The following BPIFB2 variants were observed in gnomAD, a reference collection of about 807,000 sequenced individuals.
BPIFB2 encodes BPI fold-containing family B member 2.
In BPIFB2, 39 loss-of-function variants were observed where a neutral mutation model predicts 50.1. That is an observed-to-expected ratio of 0.78 (90% confidence interval 0.60 to 1.02). BPIFB2 has a LOEUF of 1.02. Among genes scored for constraint, BPIFB2 ranks in the 50% least tolerant of loss-of-function variants. The pLI is 0.00. For synonymous variants in BPIFB2, 280 were observed against 256.3 expected (o/e 1.09, Z -0.88); for missense variants, 574 against 585.8 (o/e 0.98, Z 0.21).
Position 33,013,798 on chromosome 20 carries a change from G to A in BPIFB2, c.309-12G>A. ...GCGGTGCTGCTCGGGCTCAGGACTG[G>A]CATCCCTACAGCGCCCCAGAGCCCC... is the stretch of plus-strand genomic sequence containing the variant. On this transcript the variant is annotated splice_polypyrimidine_tract_variant and intron_variant, in intron 4 of 15. Transcript: ENST00000170150. The A allele has an allele frequency of 2.5e-6, 4 of 1,610,874 alleles. No individual in the cohort carries two copies. In the South Asian group the frequency reaches 4.4e-5, roughly 18 times the overall value.
intron 15 of BPIFB2, among the ~76,000 whole-genome samples, chr20:33,022,656 A>G (rs896781045): frequency 6.6e-6 from 1 of 152,232 alleles, no homozygotes. Context: ...AGCAGCCATG[A>G]TAAGCCACAG....
At chr20:33,016,368 C>T (rs1465808092) in intron 6 of BPIFB2, among the ~76,000 whole-genome samples, 2 of 152,156 alleles carry the variant, frequency 1.3e-5, no homozygotes, top group African/African-American at 4.8e-5. Context: ...TGTAGTCCCC[C>T]TGCTGCCCTC....
rs1050050092 is a variant in BPIFB2, at chr20:33,013,880, A to C, written c.379A>C (p.Ile127Leu). 6.2e-7 allele frequency: 1 copy of C among 1,614,058 alleles called. No homozygotes were observed. Among genetic ancestry groups the C allele is most frequent in the Non-Finnish European group, 8.5e-7 (1 of 1,179,960 alleles). ...TGACACCCGCGTGACCCAGAGCTCC[A>C]TCAGGACCCCTGTGGTCAGCATCTC... is the stretch of plus-strand genomic sequence containing the variant. ...LADTRVTQSS[I>L]RTPVVSISAC... The change falls in exon 5 of 16, where the codon ATC becomes CTC. Residue 127 changes from isoleucine to leucine, a missense_variant. By Grantham distance (5) the Ile-to-Leu change is conservative. Coordinates refer to ENST00000170150, the MANE Select transcript of BPIFB2 (RefSeq NM_025227.3).
chr20:33,020,603 G>A lies in BPIFB2; in HGVS notation c.1194+16G>A. The A allele has an allele frequency of 6.3e-7, 1 of 1,596,232 alleles. No homozygotes were observed. The highest frequency in any genetic ancestry group is 8.5e-7 in the Non-Finnish European group (1 of 1,169,640). On this transcript the variant is annotated intron_variant, in intron 13 of 15. Coordinates refer to ENST00000170150, the MANE Select transcript of BPIFB2 (RefSeq NM_025227.3). ...CTTCATTGATGTGAGTGTGGGGCTGGGGCCTCTAGAAACCCCCGTCCTGGG... is the reference window on the plus strand; with the variant it reads ...CTTCATTGATGTGAGTGTGGGGCTGAGGCCTCTAGAAACCCCCGTCCTGGG...
At position 33,008,657 on chromosome 20, in the gene BPIFB2, G is replaced by A. The variant is rs181110734; in HGVS notation, c.83G>A (p.Arg28Gln). The change falls in exon 2 of 16, where the codon CGA (arginine) becomes CAA (glutamine). Residue 28 changes from arginine (R) to glutamine (Q), a missense_variant. Arg to Gln is a conservative substitution (Grantham distance 43, BLOSUM62 1). Coordinates refer to ENST00000170150, the MANE Select transcript of BPIFB2 (RefSeq NM_025227.3). ...GCCTCCACGCCAGGCACCGTGGTCC[G>A]ACTCAACAAGGCAGCATTGAGCTAC... is the stretch of plus-strand genomic sequence containing the variant. The part of the protein sequence containing the change: ...VGASTPGTVV[R>Q]LNKAALSYVS... 3.9e-5 allele frequency: 62 copies of A among 1,606,736 alleles called. No homozygotes were observed. The highest frequency in any genetic ancestry group is 1.7e-4 in the Middle Eastern group (1 of 6,054).
intron 5 of BPIFB2, among the ~76,000 whole-genome samples, chr20:33,014,646 A>G (rs549593696): frequency 2.6e-5 from 4 of 152,306 alleles, no homozygotes; most frequent in East Asian, 1.9e-4. Flanking sequence ...CACCTTCCCA[A>G]TGTGAGCGGG....
rs1990258903 is a variant in BPIFB2 at position 33,009,552 on chromosome 20, G to A, written c.109+869G>A. ...CCCAGGACATGAAGCAGTGGCTCAG[G>A]GAAGTAGCAGGTTTCCCCCACCCCT... On this transcript the variant is annotated intron_variant, in intron 2 of 15. Coordinates refer to ENST00000170150, the MANE Select transcript of BPIFB2 (RefSeq NM_025227.3). This position sits in a 1 kb window ranked among gnomAD's most constrained non-coding sequence, Gnocchi z 4.2. Among the ~76,000 whole-genome samples the A allele has an allele frequency of 6.6e-6, 1 of 152,192 alleles. No homozygotes were observed. Among genetic ancestry groups the A allele is most frequent in the South Asian group, 2.1e-4 (1 of 4,826 alleles).
chr20:33,019,594 T>C lies in BPIFB2; in HGVS notation c.924T>C (p.Phe308=). ...TGCCTCCCCAGGTGGCCCGCCAGTT[T>C]CCCGAGCCCATGCCTGTGGTGCTCA... ...GRLIPEVARQ[F]PEPMPVVLKV... is the part of the protein sequence containing the mutation. Residue 308 remains phenylalanine, a synonymous_variant, in exon 11 of 16, where the codon TTT becomes TTC. Coordinates refer to ENST00000170150, the MANE Select transcript of BPIFB2 (RefSeq NM_025227.3). The C allele has an allele frequency of 6.3e-7, 1 of 1,586,696 alleles. No individual in the cohort carries two copies. The highest frequency in any genetic ancestry group is 8.6e-7 in the Non-Finnish European group (1 of 1,163,498).
rs1990304430 is a variant in BPIFB2 at position 33,012,724 on chromosome 20, A to G, written c.204-79A>G. ...CCCTTCTTTATAACATCGTGTGGGT[A>G]TGGCTCAGAGCACCCACCCCAGAGT... is the stretch of plus-strand genomic sequence containing the variant. On this transcript the variant is annotated intron_variant, in intron 3 of 15. Transcript: ENST00000170150. The G allele has an allele frequency of 1.5e-5, 16 of 1,100,666 alleles. 2 individuals are homozygous for G. The South Asian group carries it at 2.1e-4, about 14-fold the overall frequency. The allele number at this position is 1,100,666 out of a possible 1,614,324, so 68.2% of individuals were successfully genotyped here. A position where few individuals can be genotyped will look rare whatever the true frequency, so the allele number is the denominator to read the frequency against.
intron 10 of BPIFB2, 52 bp from the exon 11 acceptor site, chr20:33,019,528 G>A: frequency 1.3e-6 from 2 of 1,516,922 alleles, no homozygotes; most frequent in Non-Finnish European, 1.8e-6. Flanking sequence ...ACTGACCAGA[G>A]AGCCCGCCAG....
rs150905813 is a variant in BPIFB2 at position 33,011,059 on chromosome 20, C to G, written c.145C>G (p.Leu49Val). The part of the protein sequence containing the change: ...EIGKAPLQRA[L>V]QVTVPHFLDW... ...TGGGAAAGCCCCTCTCCAGCGGGCC[C>G]TGCAGGTCACTGTCCCTCATTTCCT... The change falls in exon 3 of 16, where the codon CTG (leucine) becomes GTG (valine). Residue 49 changes from leucine (L) to valine (V), a missense_variant. Leu to Val is a conservative substitution (Grantham distance 32). Transcript: ENST00000170150. 9 of 1,614,002 alleles carry G rather than the reference C, an allele frequency of 5.6e-6. No homozygotes were observed. The highest frequency in any genetic ancestry group is 7.6e-6 in the Non-Finnish European group (9 of 1,180,010).
chr20:33,021,095 T>TG (rs1369527447), intron 13 of BPIFB2, among the ~76,000 whole-genome samples, 186 bp from the exon 14 acceptor site: 2 of 152,176 alleles, frequency 1.3e-5, no homozygotes, highest in East Asian at 3.9e-4. Flanking sequence ...GAGCCAACCA[T>TG]GGGGGTATTT....
In BPIFB2 at chr20:33,019,629, TG is replaced by T. The variant is rs1297166889; in HGVS notation, c.962del (p.Gly321ValfsTer41). On this transcript the variant is annotated frameshift_variant, in exon 11 of 16. Transcript: ENST00000170150. LOFTEE classifies it high-confidence loss of function. Reference sequence around the variant, plus strand: ...ATGCCTGTGGTGCTCAAGGTGCGGCTGGGTGCCACACCTGTGGCCATGCTCC... The same window carrying T: ...ATGCCTGTGGTGCTCAAGGTGCGGCTGGTGCCACACCTGTGGCCATGCTCC... ...EPMPVVLKVR[L>X]GATPVAMLHT... 6.2e-6 allele frequency: 10 copies of T among 1,610,692 alleles called. No individual in the cohort carries two copies. Among genetic ancestry groups the T allele is most frequent in the Non-Finnish European group, 8.5e-6 (10 of 1,178,060 alleles).
intron 2 of BPIFB2, among the ~76,000 whole-genome samples, chr20:33,010,442 C>A (rs542106037): frequency 6.6e-6 from 1 of 152,224 alleles, no homozygotes; most frequent in Non-Finnish European, 1.5e-5. Context: ...TTACAATGAT[C>A]CTATGTGACA....
Position 33,021,210 on chromosome 20 carries a change from T to C in BPIFB2, c.1195-71T>C, listed in dbSNP as rs995104238. 6.0e-6 allele frequency: 9 copies of C among 1,498,006 alleles called. No individual in the cohort carries two copies. The African/African-American group carries it at 6.9e-5, about 12-fold the overall frequency. The allele number at this position is 1,498,006 out of a possible 1,614,324, so 92.8% of individuals were successfully genotyped here. A position where few individuals can be genotyped will look rare whatever the true frequency, so the allele number is the denominator to read the frequency against. ...GTCTGTCTCTGTGTATATTTATGTA[T>C]GTGCCTGACTGTCCATCTCTCCTGG... On this transcript the variant is annotated intron_variant, in intron 13 of 15. Coordinates refer to ENST00000170150, the MANE Select transcript of BPIFB2 (RefSeq NM_025227.3).
At chr20:33,015,361 G>T (rs1037926609) in intron 5 of BPIFB2, 75 bp from the exon 6 acceptor site, 15 of 1,374,406 alleles carry the variant, frequency 1.1e-5, no homozygotes, top group East Asian at 7.0e-5. Flanking sequence ...TCTCTTCCCA[G>T]ACGTGCGACT....
intron 8 of BPIFB2, 135 bp from the exon 9 acceptor site, chr20:33,018,502 G>A: frequency 7.6e-7 from 1 of 1,311,068 alleles, no homozygotes; most frequent in Non-Finnish European, 1.1e-6. Flanking sequence ...AGGCGAAAGT[G>A]TGAACTACAC....
chr20:33,018,688 C>A lies in BPIFB2; in HGVS notation c.721C>A (p.Pro241Thr). 1 of 1,614,174 alleles carries A rather than the reference C, an allele frequency of 6.2e-7. No homozygotes were observed. Among genetic ancestry groups the A allele is most frequent in the South Asian group, 1.1e-5 (1 of 91,072 alleles). Residue 241 changes from proline (P) to threonine (T), a missense_variant, in exon 9 of 16, where the codon CCT becomes ACT. Coordinates refer to ENST00000170150, the MANE Select transcript of BPIFB2 (RefSeq NM_025227.3). ...KPIILPTDAT[P>T]FVLPRHVGTE... ...CATCATCCTGCCCACGGATGCCACCCCTTTTGTGTTGCCAAGGCATGTGGG... is the reference window on the plus strand; with the variant it reads ...CATCATCCTGCCCACGGATGCCACCACTTTTGTGTTGCCAAGGCATGTGGG...
rs1250893429 is a variant in BPIFB2 at position 33,011,032 on chromosome 20, A to G, written c.118A>G (p.Ile40Val). 1.4e-5 allele frequency: 22 copies of G among 1,613,932 alleles called. No individual in the cohort carries two copies. Among genetic ancestry groups the G allele is most frequent in the Non-Finnish European group, 1.9e-5 (22 of 1,179,944 alleles). The change falls in exon 3 of 16, where the codon ATT becomes GTT. Residue 40 changes from isoleucine to valine, a missense_variant. Transcript: ENST00000170150. ...NKAALSYVSE[I>V]GKAPLQRALQ... ...CTACCCTGGCCCCACAGTGTCTGAA[A>G]TTGGGAAAGCCCCTCTCCAGCGGGC... is the stretch of plus-strand genomic sequence containing the variant.
Sources: gnomAD v4.1 joint callset for allele counts (sites outside exome capture counted in the v4.1 genomes callset) on GRCh38, gnomAD v4.1.1 for gene constraint, Gnocchi (gnomAD v3.1) non-coding constraint, MANE v1.5 for transcripts, NCBI Gene and HGNC (gene_info 2026-07-23, HGNC 2026-07-21) for gene names.